Variants in DCLRE1B observed in about 807,000 individuals in gnomAD.
DCLRE1B encodes 5' exonuclease Apollo.
A neutral mutation model predicts 19.8 loss-of-function variants in DCLRE1B; 6 were observed. The observed-to-expected ratio is 0.30, with a 90% CI of 0.17 to 0.60. DCLRE1B has a LOEUF of 0.60. Among genes scored for constraint, DCLRE1B ranks in the 20% least tolerant of loss-of-function variants. DCLRE1B has a pLI of 0.87. For missense variants in DCLRE1B, 622 were observed against 654.2 expected (o/e 0.95, Z 0.54); for synonymous variants, 258 against 255.7 (o/e 1.01, Z -0.09).
chr1:113,913,527 G>T lies in DCLRE1B; in HGVS notation c.*1336G>T, dbSNP rs948477270. ...CATTTGGTGCAGCAGGAAACATGGGGACTGCCTAGGCTCGAATCTGTGGCA... is the reference window on the plus strand; with the variant it reads ...CATTTGGTGCAGCAGGAAACATGGGTACTGCCTAGGCTCGAATCTGTGGCA... On this transcript the variant is annotated 3_prime_UTR_variant, in exon 4 of 4. Transcript: ENST00000650450. The T allele has an allele frequency of 6.5e-6, 1 of 152,748 alleles. No homozygotes were observed. The highest frequency in any genetic ancestry group is 1.5e-5 in the Non-Finnish European group (1 of 68,046). 9.5% of individuals were successfully genotyped at this position (152,748 alleles called of 1,614,324 possible). A position where few individuals can be genotyped will look rare whatever the true frequency, so the allele number is the denominator to read the frequency against.
intron 3 of DCLRE1B, among the ~76,000 whole-genome samples, chr1:113,910,777 T>C (rs1224911256): frequency 1.3e-5 from 2 of 152,206 alleles, no homozygotes; most frequent in Non-Finnish European, 2.9e-5. Flanking sequence ...CTTACAGGTG[T>C]GAGCCACAGT....
At chr1:113,905,269 G>GC, upstream of DCLRE1B, 1 of 380,402 alleles carries the variant, frequency 2.6e-6, no homozygotes, top group Non-Finnish European at 4.8e-6. Context: ...CTCTGGTGGA[G>GC]CTGCGGCGGG....
upstream of DCLRE1B, chr1:113,904,949 C>A (rs932513140): frequency 2.0e-6 from 1 of 506,988 alleles, no homozygotes; most frequent in African/African-American, 1.9e-5. Context: ...TACCGTCGGC[C>A]GGCAGGCCGT....
chr1:113,908,242 T>C (rs758107862), intron 3 of DCLRE1B, 51 bp downstream of exon 3: 2 of 1,568,604 alleles, frequency 1.3e-6, no homozygotes, highest in African/African-American at 2.7e-5. Context: ...TGAACTAGAT[T>C]CTTTAAGGAT....
Position 113,911,975 on chromosome 1 carries a change from AGAT to A in DCLRE1B, c.1391_1393del (p.Asp464del), listed in dbSNP as rs757620188. 5 of 1,614,124 alleles carry A rather than the reference AGAT, an allele frequency of 3.1e-6. No homozygotes were observed. The highest frequency in any genetic ancestry group is 3.4e-6 in the Non-Finnish European group (4 of 1,180,018). On this transcript the variant is annotated inframe_deletion, in exon 4 of 4. Transcript: ENST00000650450. ...TAGGGTCCCCCTTGGTACCCATGGG[AGAT>A]GATGATGGAGGTCCAGAAGCCACAG...
At position 113,905,365 on chromosome 1, in the gene DCLRE1B, G is replaced by C. The variant is rs1286241974; in HGVS notation, c.-222G>C. On this transcript the variant is annotated 5_prime_UTR_variant, in exon 1 of 4. Transcript: ENST00000650450. ...GCTCGGCCTCCGCTCCCGCGCGGTTGGGAGTGTCCAGCGCCCTCCGCGATT... is the reference window on the plus strand; with the variant it reads ...GCTCGGCCTCCGCTCCCGCGCGGTTCGGAGTGTCCAGCGCCCTCCGCGATT... 7 of 553,914 alleles carry C rather than the reference G, an allele frequency of 1.3e-5. No homozygotes were observed. The East Asian group carries it at 2.2e-4, about 18-fold the overall frequency. The allele number at this position is 553,914 out of a possible 1,614,324, so 34.3% of individuals were successfully genotyped here.
intron 1 of DCLRE1B, among the ~76,000 whole-genome samples, chr1:113,906,126 G>A (rs1668940893): frequency 7.6e-6 from 1 of 132,032 alleles, no homozygotes; most frequent in Non-Finnish European, 1.5e-5. Context: ...GCGCAATCTC[G>A]GCTCACTGCA....
chr1:113,907,223 T>TTG, intron 2 of DCLRE1B, 62 bp downstream of exon 2: 1 of 1,333,970 alleles, frequency 7.5e-7, no homozygotes, highest in Admixed American at 2.6e-5. Context: ...TTTTTTTTTT[T>TTG]TTTTTTTTTT....
intron 3 of DCLRE1B, among the ~76,000 whole-genome samples, chr1:113,910,561 G>T (rs926308494): frequency 6.6e-6 from 1 of 152,024 alleles, no homozygotes; most frequent in African/African-American, 2.4e-5. Flanking sequence ...GAGGGTAGTG[G>T]CATGATCACA....
chr1:113,905,313 C>T (rs939085507), upstream of DCLRE1B: 6 of 473,800 alleles, frequency 1.3e-5, 1 homozygote, highest in South Asian at 1.3e-4. Context: ...CCTGTCTCCT[C>T]CCTGCAGCGC....
Position 113,911,427 on chromosome 1 carries a change from T to G in DCLRE1B, c.835T>G (p.Tyr279Asp). ...HVIPYSDHSS[Y>D]SELRAFVAAL... ...CATCCCTTACTCTGACCATTCCTCT[T>G]ACTCCGAGCTTCGTGCCTTTGTCGC... The change falls in exon 4 of 4, where the codon TAC becomes GAC. Residue 279 changes from tyrosine (Y) to aspartate (D), a missense_variant. By Grantham distance (160) the Tyr-to-Asp change is radical. Around this residue, in one of 3 missense-constraint regions of DCLRE1B, gnomAD observed 382 missense variants for 412.5 expected, o/e 0.93. Transcript: ENST00000650450. The G allele has an allele frequency of 6.2e-7, 1 of 1,614,200 alleles. No individual in the cohort carries two copies. The highest frequency in any genetic ancestry group is 8.5e-7 in the Non-Finnish European group (1 of 1,180,034).
In DCLRE1B at chr1:113,911,954, G is replaced by A. The variant is rs753634634; in HGVS notation, c.1362G>A (p.Gly454=). The A allele has an allele frequency of 2.2e-5, 35 of 1,614,076 alleles. No individual in the cohort carries two copies. Among genetic ancestry groups the A allele is most frequent in the Non-Finnish European group, 2.9e-5 (34 of 1,180,044 alleles). ...AAACCAGGGAGGAAATTGGTTTAGG[G>A]TCCCCCTTGGTACCCATGGGAGATG... ...SQKTREEIGL[G]SPLVPMGDDD... Residue 454 remains glycine, a synonymous_variant, in exon 4 of 4, where the codon GGG becomes GGA. Transcript: ENST00000650450.
intron 3 of DCLRE1B, among the ~76,000 whole-genome samples, chr1:113,910,647 G>T (rs1162106193): frequency 6.6e-6 from 1 of 151,974 alleles, no homozygotes; most frequent in Non-Finnish European, 1.5e-5. Context: ...AACTATAGGC[G>T]TGCACCAACA....
Position 113,908,009 on chromosome 1 carries a change from GT to G in DCLRE1B, c.357del (p.Asp120IlefsTer9), listed in dbSNP as rs759772878. On this transcript the variant is annotated frameshift_variant and splice_region_variant, in exon 3 of 4. Transcript: ENST00000650450. LOFTEE classifies it high-confidence loss of function. ...TGCCCCCATGTACATATTCCTCCAG[GT>G]GATTTTCGATACACACCATCCATGC... ...EGYFGTILYTGDFRYTPSMLK... is the reference protein window; with the variant it reads ...EGYFGTILYTXDFRYTPSMLK... The G allele has an allele frequency of 1.2e-6, 2 of 1,612,940 alleles. No homozygotes were observed.
chr1:113,905,416 C>G lies in DCLRE1B; in HGVS notation c.-171C>G. On this transcript the variant is annotated 5_prime_UTR_variant, in exon 1 of 4. Transcript: ENST00000650450. ...TGGGCTCCAGCGGGCAGGGTGACTT[C>G]CTTTTTCTGCCCACTCTGGTAACTT... The G allele has an allele frequency of 1.5e-6, 1 of 681,880 alleles. No individual in the cohort carries two copies. The highest frequency in any genetic ancestry group is 2.0e-5 in the South Asian group (1 of 49,424). The allele number at this position is 681,880 out of a possible 1,614,324, so 42.2% of individuals were successfully genotyped here.
upstream of DCLRE1B, chr1:113,905,157 C>CT: frequency 3.0e-6 from 1 of 338,520 alleles, no homozygotes; most frequent in Non-Finnish European, 5.6e-6. Context: ...CAGAAGACCG[C>CT]TGCCGGTCTC....
chr1:113,904,922 C>G (rs1668790336), upstream of DCLRE1B: 2 of 573,924 alleles, frequency 3.5e-6, no homozygotes, highest in African/African-American at 3.7e-5. Flanking sequence ...GAGCCCCACC[C>G]TAGGCTCTTC....
Position 113,911,862 on chromosome 1 carries a change from A to C in DCLRE1B, c.1270A>C (p.Met424Leu). 6.2e-7 allele frequency: 1 copy of C among 1,614,232 alleles called. No individual in the cohort carries two copies. Among genetic ancestry groups the C allele is most frequent in the African/African-American group, 1.3e-5 (1 of 75,058 alleles). ...CTGTGAGTCTCAAAAGAGGGTGACT[A>C]TGTTGACGGCCCCACTGGGATTTTC... is the stretch of plus-strand genomic sequence containing the variant. Reference protein sequence around the residue: ...PFCESQKRVTMLTAPLGFSVH... With the variant: ...PFCESQKRVTLLTAPLGFSVH... Residue 424 changes from methionine (M) to leucine (L), a missense_variant, in exon 4 of 4, where the codon ATG becomes CTG. Transcript: ENST00000650450.
At chr1:113,910,067 C>T (rs977320882) in intron 3 of DCLRE1B, among the ~76,000 whole-genome samples, 1 of 152,162 alleles carries the variant, frequency 6.6e-6, no homozygotes, top group Non-Finnish European at 1.5e-5. Flanking sequence ...ATTAATGTCT[C>T]CATTTCTTTC....
Sources: allele counts gnomAD v4.1 joint callset (sites outside exome capture counted in the v4.1 genomes callset), GRCh38; gene constraint gnomAD v4.1.1; regional missense constraint gnomAD v4.1.1; transcripts MANE v1.5; gene names NCBI Gene and HGNC (gene_info 2026-07-23, HGNC 2026-07-21).